ZNF407: variants seen among roughly 807,000 people sequenced by gnomAD.
ZNF407 encodes zinc finger protein 407.
In ZNF407, 17 loss-of-function variants were observed where a neutral mutation model predicts 131.2. That is an observed-to-expected ratio of 0.13 (90% CI 0.09 to 0.19). The LOEUF is 0.19. Ranked by LOEUF, ZNF407 falls within the 10% of genes least tolerant of loss-of-function variation. The probability of loss-of-function intolerance (pLI) is 1.00; values close to 1 mark genes in which losing one functional copy is unlikely to be tolerated. For missense variants in ZNF407, 2,681 were observed against 2,830.6 expected (o/e 0.95, Z 1.20); for synonymous variants, 1,156 against 1,062.0 (o/e 1.09, Z -1.72).
intron 8 of ZNF407, among the ~76,000 whole-genome samples, chr18:75,018,235 T>G (rs1973068022): frequency 6.6e-6 from 1 of 151,740 alleles, no homozygotes; most frequent in South Asian, 2.1e-4. Flanking sequence ...GAAACCATGA[T>G]TTTCAAAATA....
Position 74,635,623 on chromosome 18 carries a change from A to G in ZNF407, c.4604A>G (p.Gln1535Arg). 1 of 1,613,624 alleles carries G rather than the reference A, an allele frequency of 6.2e-7. No individual in the cohort carries two copies. The highest frequency in any genetic ancestry group is 2.2e-5 in the East Asian group (1 of 44,878). Reference sequence around the variant, plus strand: ...ATCAACCGCGAGAGGGAGGAAAACCAGGGAAACGTCTGCAAGTATTGTGGG... The same window carrying G: ...ATCAACCGCGAGAGGGAGGAAAACCGGGGAAACGTCTGCAAGTATTGTGGG... ...EQINREREENQGNVCKYCGKM... is the reference protein window; with the variant it reads ...EQINREREENRGNVCKYCGKM... The change falls in exon 2 of 9, where the codon CAG (glutamine) becomes CGG (arginine). Residue 1535 changes from glutamine (Q) to arginine (R), a missense_variant. This residue lies in a region of ZNF407 where 213 missense variants were observed against 332.2 expected (regional missense o/e 0.64). Coordinates refer to ENST00000299687, the MANE Select transcript of ZNF407 (RefSeq NM_017757.3). This position sits in a 1 kb window ranked among gnomAD's most constrained non-coding sequence, Gnocchi z 4.7.
At chr18:74,832,971 G>A (rs1314150259) in intron 4 of ZNF407, among the ~76,000 whole-genome samples, 2 of 152,198 alleles carry the variant, frequency 1.3e-5, no homozygotes, top group African/African-American at 4.8e-5. Context: ...AATAGGGCAG[G>A]AAGAAGAGGA....
intron 4 of ZNF407, among the ~76,000 whole-genome samples, chr18:74,856,921 A>G (rs995015331): frequency 2.6e-5 from 4 of 152,230 alleles, no homozygotes; most frequent in African/African-American, 7.2e-5. Context: ...TGGAACTGCT[A>G]TCCTGCGTTA....
intron 4 of ZNF407, among the ~76,000 whole-genome samples, chr18:74,831,226 C>A (rs1970478900): frequency 6.6e-6 from 1 of 152,144 alleles, no homozygotes; most frequent in African/African-American, 2.4e-5. Flanking sequence ...AACAGCATGG[C>A]AGTAAACATA....
chr18:74,852,164 T>TACAC (rs10539805), intron 4 of ZNF407, among the ~76,000 whole-genome samples: 2,732 of 149,616 alleles, frequency 0.018, 28 homozygotes, highest in African/African-American at 0.029. Context: ...GGATGCATGC[T>TACAC]ACACACACAC....
At chr18:74,612,505 G>C (rs549054502) in intron 1 of ZNF407, among the ~76,000 whole-genome samples, 8 of 152,172 alleles carry the variant, frequency 5.3e-5, no homozygotes, top group Non-Finnish European at 8.8e-5. Flanking sequence ...ATTTGATGGA[G>C]ATGGAGAGAC....
At chr18:75,049,296 G>A (rs1353943549) in intron 8 of ZNF407, among the ~76,000 whole-genome samples, 1 of 152,152 alleles carries the variant, frequency 6.6e-6, no homozygotes, top group African/African-American at 2.4e-5. Flanking sequence ...GCATCATGGA[G>A]CTAGGATGAA....
At chr18:75,047,325 A>T (rs1365386364) in intron 8 of ZNF407, among the ~76,000 whole-genome samples, 1 of 152,202 alleles carries the variant, frequency 6.6e-6, no homozygotes, top group Non-Finnish European at 1.5e-5. Context: ...AGGTACTCAT[A>T]ACACTAAAAA....
chr18:74,716,206 G>C (rs772095134), intron 3 of ZNF407, among the ~76,000 whole-genome samples: 6 of 152,202 alleles, frequency 3.9e-5, no homozygotes, highest in Non-Finnish European at 8.8e-5. Context: ...GGTTTTGATA[G>C]CTGAGAAGTT....
rs1218895231 is a variant in ZNF407 at position 75,051,546 on chromosome 18, A to G, written c.5429-11604A>G. ...TTTCCCATCACAGTCACTCTTCATG[A>G]AGCAGAGTGATAGCAACAGAACCAC... On this transcript the variant is annotated intron_variant, in intron 8 of 8. Coordinates refer to ENST00000299687, the MANE Select transcript of ZNF407 (RefSeq NM_017757.3). 1.1e-4 allele frequency among the ~76,000 whole-genome samples: 16 copies of G among 152,218 alleles called. 1 individual carries two copies. Among genetic ancestry groups the G allele is most frequent in the Admixed American group, 1.0e-3 (16 of 15,278 alleles).
At chr18:74,921,681 C>G (rs1971848591) in intron 8 of ZNF407, among the ~76,000 whole-genome samples, 2 of 152,228 alleles carry the variant, frequency 1.3e-5, no homozygotes, top group East Asian at 3.9e-4. Context: ...GGCTGTGAAG[C>G]CAGGAGAGTC....
intron 8 of ZNF407, among the ~76,000 whole-genome samples, chr18:74,994,949 G>A (rs892180396): frequency 3.9e-5 from 6 of 152,154 alleles, no homozygotes. Flanking sequence ...TCAAGGAGAC[G>A]AAATGGTGTC....
At chr18:75,013,494 A>T (rs1315225404) in intron 8 of ZNF407, among the ~76,000 whole-genome samples, 1 of 152,152 alleles carries the variant, frequency 6.6e-6, no homozygotes, top group Non-Finnish European at 1.5e-5. Context: ...CTAAGAGAGA[A>T]AAAACATGTG....
chr18:74,787,592 G>T (rs1352261158), intron 4 of ZNF407, among the ~76,000 whole-genome samples: 1 of 152,068 alleles, frequency 6.6e-6, no homozygotes, highest in Non-Finnish European at 1.5e-5. Context: ...AATGTCACCG[G>T]TACTCCTGCA....
chr18:75,060,735 G>C (rs899522367), intron 8 of ZNF407, among the ~76,000 whole-genome samples: 2 of 152,076 alleles, frequency 1.3e-5, no homozygotes, highest in African/African-American at 4.8e-5. Context: ...TCGATCTCCT[G>C]ACCTCGTGAT....
intron 4 of ZNF407, among the ~76,000 whole-genome samples, chr18:74,826,830 G>A (rs181809889): frequency 6.6e-6 from 1 of 152,286 alleles, no homozygotes; most frequent in Admixed American, 6.5e-5. Flanking sequence ...GCAATTCCCC[G>A]TCTCTGTGCT....
chr18:74,781,832 T>G (rs1425024949), intron 4 of ZNF407, among the ~76,000 whole-genome samples: 1 of 152,140 alleles, frequency 6.6e-6, no homozygotes, highest in East Asian at 1.9e-4. Context: ...AAACTCAACT[T>G]TGTTTTATTA....
chr18:74,900,880 T>C (rs900442813), intron 7 of ZNF407, among the ~76,000 whole-genome samples: 2 of 152,272 alleles, frequency 1.3e-5, no homozygotes, highest in African/African-American at 4.8e-5. Flanking sequence ...CTAAAATTTC[T>C]ATTGAAGACT....
intron 7 of ZNF407, among the ~76,000 whole-genome samples, chr18:74,912,847 A>G (rs369437255): frequency 6.6e-6 from 1 of 152,240 alleles, no homozygotes; most frequent in Non-Finnish European, 1.5e-5. Context: ...TCCTTAATTT[A>G]TAAGAGAATG....
Sources: allele counts gnomAD v4.1 joint callset (sites outside exome capture counted in the v4.1 genomes callset), GRCh38; gene constraint gnomAD v4.1.1; regional missense constraint gnomAD v4.1.1; non-coding constraint Gnocchi (gnomAD v3.1); transcripts MANE v1.5; gene names NCBI Gene and HGNC (gene_info 2026-07-23, HGNC 2026-07-21).